The following POLR2J variants were observed in gnomAD, a reference collection of about 807,000 sequenced individuals.
The protein encoded by POLR2J is DNA-directed RNA polymerase II subunit RPB11-a.
A neutral mutation model predicts 13.4 loss-of-function variants in POLR2J; 12 were observed. The observed-to-expected ratio is 0.90, with a 90% CI of 0.57 to 1.45. POLR2J has a LOEUF of 1.45. POLR2J is among the 40% of genes most tolerant of loss of function. The pLI is 0.00. For missense variants in POLR2J, 58 were observed against 132.0 expected (o/e 0.44, Z 2.75); for synonymous variants, 31 against 53.6 (o/e 0.58, Z 1.84).
Position 102,473,435 on chromosome 7 carries a change from G to A in POLR2J, c.*214C>T, listed in dbSNP as rs376986914. ...CAATCCATTTGCTTGCGAAGTCACCGCTGCTCAAGTCCACATCCAGGTCTC... is the reference window on the plus strand; with the variant it reads ...CAATCCATTTGCTTGCGAAGTCACCACTGCTCAAGTCCACATCCAGGTCTC... On this transcript the variant is annotated 3_prime_UTR_variant, in exon 4 of 4. Coordinates refer to ENST00000292614, the MANE Select transcript of POLR2J (RefSeq NM_006234.6). The A allele has an allele frequency of 2.3e-5, 16 of 685,428 alleles. No individual in the cohort carries two copies. Among genetic ancestry groups the A allele is most frequent in the Non-Finnish European group, 3.2e-5 (14 of 434,228 alleles). The allele number at this position is 685,428 out of a possible 1,614,324, so 42.5% of individuals were successfully genotyped here.
chr7:102,476,181 G>A lies in POLR2J; in HGVS notation c.143C>T (p.Ser48Leu), dbSNP rs1423252753. Residue 48 changes from serine (S) to leucine (L), a missense_variant and splice_region_variant, in exon 2 of 4, where the codon TCA becomes TTA. Physicochemically the swap from Ser to Leu is moderately radical, Grantham distance 145. Coordinates refer to ENST00000292614, the MANE Select transcript of POLR2J (RefSeq NM_006234.6). ...EDHTLGNIIK[S>L]QLLKDPQVLF... ...TGAGAGCCTGTGACGGGAAACTTACGATTTAATGATGTTTCCCAGTGTGTG... is the reference window on the plus strand; with the variant it reads ...TGAGAGCCTGTGACGGGAAACTTACAATTTAATGATGTTTCCCAGTGTGTG... 11 of 878,870 alleles carry A rather than the reference G, an allele frequency of 1.3e-5. No homozygotes were observed. The East Asian group carries it at 1.9e-4, about 15-fold the overall frequency. 54.4% of individuals were successfully genotyped at this position (878,870 alleles called of 1,614,324 possible). A position where few individuals can be genotyped will look rare whatever the true frequency, so the allele number is the denominator to read the frequency against.
rs777130154 is a variant in POLR2J, at chr7:102,473,652, C to T, written c.351G>A (p.Glu117=). ...VAIKDKQEGI[E] is the part of the protein sequence containing the mutation. Reference sequence around the variant, plus strand: ...CGAGCAGAGCCCCCTCTGGCCCCTACTCAATTCCTTCCTGCTTGTCTTTTA... The same window carrying T: ...CGAGCAGAGCCCCCTCTGGCCCCTATTCAATTCCTTCCTGCTTGTCTTTTA... The change falls in exon 4 of 4, where the codon GAG becomes GAA. Residue 117 remains glutamate (E), a synonymous_variant. Transcript: ENST00000292614. 2.5e-6 allele frequency: 4 copies of T among 1,613,924 alleles called. No individual in the cohort carries two copies. The highest frequency in any genetic ancestry group is 1.7e-5 in the Admixed American group (1 of 59,996).
Position 102,473,657 on chromosome 7 carries a change from T to C in POLR2J, c.346A>G (p.Ile116Val). Residue 116 changes from isoleucine (I) to valine (V), a missense_variant, in exon 4 of 4, where the codon ATT (isoleucine) becomes GTT (valine). Coordinates refer to ENST00000292614, the MANE Select transcript of POLR2J (RefSeq NM_006234.6). ...AGAGCCCCCTCTGGCCCCTACTCAA[T>C]TCCTTCCTGCTTGTCTTTTATGGCC... ...RVAIKDKQEG[I>V]E is the part of the protein sequence containing the mutation. The C allele has an allele frequency of 6.2e-7, 1 of 1,613,316 alleles. No homozygotes were observed. Among genetic ancestry groups the C allele is most frequent in the East Asian group, 2.2e-5 (1 of 44,808 alleles).
chr7:102,478,809 T>G lies in POLR2J; in HGVS notation c.52A>C (p.Lys18Gln). 6.2e-7 allele frequency: 1 copy of G among 1,610,702 alleles called. No individual in the cohort carries two copies. ...CCCGCCGCAGCCGGCGTCACTTACT[T>G]CTTCTCGCCCTCGAAGAGCAAGAAC... The part of the protein sequence containing the change: ...ESFLLFEGEK[K>Q]ITINKDTKVP... The change falls in exon 1 of 4, where the codon AAG (lysine) becomes CAG (glutamine). Residue 18 changes from lysine (K) to glutamine (Q), a missense_variant and splice_region_variant. Transcript: ENST00000292614.
At chr7:102,475,937 C>CA (rs149096965) in intron 2 of POLR2J, among the ~76,000 whole-genome samples, 2 of 81,030 alleles carry the variant, frequency 2.5e-5, no homozygotes, top group African/African-American at 6.9e-5. Context: ...AACAAACAAA[C>CA]AAACAGTGAA....
Position 102,473,634 on chromosome 7 carries a change from A to T in POLR2J, c.*15T>A, listed in dbSNP as rs754754116. ...GGAACGGGGCTCACAGGCCGAGCAGAGCCCCCTCTGGCCCCTACTCAATTC... is the reference window on the plus strand; with the variant it reads ...GGAACGGGGCTCACAGGCCGAGCAGTGCCCCCTCTGGCCCCTACTCAATTC... On this transcript the variant is annotated 3_prime_UTR_variant, in exon 4 of 4. Coordinates refer to ENST00000292614, the MANE Select transcript of POLR2J (RefSeq NM_006234.6). The T allele has an allele frequency of 6.2e-7, 1 of 1,613,714 alleles. No individual in the cohort carries two copies.
At chr7:102,474,302 C>A (rs56296803) in intron 3 of POLR2J, 59 bp downstream of exon 3, 29 of 1,610,788 alleles carry the variant, frequency 1.8e-5, no homozygotes, top group Admixed American at 8.4e-5. Flanking sequence ...TGTCCCAGGC[C>A]TGGGCACACG....
At chr7:102,473,778 C>CTGG in intron 3 of POLR2J, 94 bp from the exon 4 acceptor site, 2 of 1,567,894 alleles carry the variant, frequency 1.3e-6, no homozygotes, top group Non-Finnish European at 1.7e-6. Flanking sequence ...CAGGCCCTTC[C>CTGG]TGGAGGGCAG....
At position 102,475,711 on chromosome 7, in the gene POLR2J, C is replaced by T. The variant is rs539162788; in HGVS notation, c.143+470G>A. 4.3e-4 allele frequency among the ~76,000 whole-genome samples: 65 copies of T among 152,338 alleles called. No individual in the cohort carries two copies. The East Asian group carries it at 0.012, about 28-fold the overall frequency. ...AGCCGGCAGGTGGATCACCTGAGGT[C>T]AGGAGTTCGAGACCAGCCTGGCCAA... is the stretch of plus-strand genomic sequence containing the variant. On this transcript the variant is annotated intron_variant, in intron 2 of 3. Transcript: ENST00000292614.
At chr7:102,478,787 G>A (rs201469208) in intron 1 of POLR2J, 21 bp downstream of exon 1, 59 of 1,609,890 alleles carry the variant, frequency 3.7e-5, no homozygotes, top group Admixed American at 1.3e-4. Flanking sequence ...ACCTCGGCCC[G>A]CCGCAGCCGG....
intron 3 of POLR2J, 48 bp downstream of exon 3, chr7:102,474,313 G>A: frequency 6.2e-7 from 1 of 1,611,736 alleles, no homozygotes; most frequent in East Asian, 2.2e-5. Context: ...TGGGCACACG[G>A]GCCAGTGTCC....
At chr7:102,474,835 C>CA in intron 2 of POLR2J, among the ~76,000 whole-genome samples, 1 of 145,590 alleles carries the variant, frequency 6.9e-6, no homozygotes, top group Admixed American at 6.9e-5. Flanking sequence ...AGTGAATGTC[C>CA]AGCCAGTGTT....
At chr7:102,475,719 C>T (rs1186588196) in intron 2 of POLR2J, among the ~76,000 whole-genome samples, 3 of 152,164 alleles carry the variant, frequency 2.0e-5, no homozygotes, top group Non-Finnish European at 2.9e-5. Flanking sequence ...GTCAGGAGTT[C>T]GAGACCAGCC....
At chr7:102,475,182 C>G (rs1441205844) in intron 2 of POLR2J, among the ~76,000 whole-genome samples, 3 of 152,260 alleles carry the variant, frequency 2.0e-5, no homozygotes, top group African/African-American at 7.2e-5. Context: ...GGGCTCCGGG[C>G]AGGAGTCCTC....
intron 1 of POLR2J, among the ~76,000 whole-genome samples, chr7:102,478,442 C>G (rs1798484776): frequency 6.6e-6 from 1 of 150,516 alleles, no homozygotes; most frequent in Non-Finnish European, 1.5e-5. Context: ...GCGGCTTTTA[C>G]GCAGGCCGCT....
In POLR2J at chr7:102,473,644, G is replaced by A. The variant is rs770378463; in HGVS notation, c.*5C>T. On this transcript the variant is annotated 3_prime_UTR_variant, in exon 4 of 4. Coordinates refer to ENST00000292614, the MANE Select transcript of POLR2J (RefSeq NM_006234.6). Reference sequence around the variant, plus strand: ...TCACAGGCCGAGCAGAGCCCCCTCTGGCCCCTACTCAATTCCTTCCTGCTT... The same window carrying A: ...TCACAGGCCGAGCAGAGCCCCCTCTAGCCCCTACTCAATTCCTTCCTGCTT... 5.6e-6 allele frequency: 9 copies of A among 1,613,714 alleles called. No individual in the cohort carries two copies. In the East Asian group the frequency reaches 6.7e-5, roughly 12 times the overall value.
chr7:102,473,309 C>A lies in POLR2J; in HGVS notation c.*340G>T, dbSNP rs1339360940. 3 of 572,656 alleles carry A rather than the reference C, an allele frequency of 5.2e-6. No homozygotes were observed. Among genetic ancestry groups the A allele is most frequent in the Non-Finnish European group, 9.0e-6 (3 of 332,666 alleles). 35.5% of individuals were successfully genotyped at this position (572,656 alleles called of 1,614,324 possible). On this transcript the variant is annotated 3_prime_UTR_variant, in exon 4 of 4. Transcript: ENST00000292614. ...ACACTTCTCTCCGGCTCAGCACAGC[C>A]CCCGCAGCAGCCCCTGGACCCCGGA...
rs1177070274 is a variant in POLR2J at position 102,473,967 on chromosome 7, T to C, written c.319-283A>G. 6.3e-6 allele frequency: 9 copies of C among 1,435,300 alleles called. No homozygotes were observed. In the Admixed American group the frequency reaches 1.7e-4, roughly 27 times the overall value. 88.9% of individuals were successfully genotyped at this position (1,435,300 alleles called of 1,614,324 possible). A position where few individuals can be genotyped will look rare whatever the true frequency, so the allele number is the denominator to read the frequency against. ...TGGCTCTTTCCCCTCTAAACTGTTC[T>C]AGATTCCCATGCGCCCTGCCAGGAA... On this transcript the variant is annotated intron_variant, in intron 3 of 3. Coordinates refer to ENST00000292614, the MANE Select transcript of POLR2J (RefSeq NM_006234.6).
chr7:102,476,014 G>C (rs1798421860), intron 2 of POLR2J, among the ~76,000 whole-genome samples, 167 bp downstream of exon 2: 1 of 132,170 alleles, frequency 7.6e-6, no homozygotes, highest in Non-Finnish European at 1.7e-5. Context: ...AAGACATGGA[G>C]GTCGGTGTCA....
Sources: allele counts gnomAD v4.1 joint callset (sites outside exome capture counted in the v4.1 genomes callset), GRCh38; gene constraint gnomAD v4.1.1; transcripts MANE v1.5; gene names NCBI Gene and HGNC (gene_info 2026-07-23, HGNC 2026-07-21).